CTDSP2: variants seen among roughly 807,000 people sequenced by gnomAD.
CTDSP2 encodes CTD small phosphatase 2.
In CTDSP2, 9 loss-of-function variants were observed where a neutral mutation model predicts 31.6. That is an observed-to-expected ratio of 0.28 (90% CI 0.17 to 0.50). CTDSP2 has a LOEUF of 0.50. Among genes scored for constraint, CTDSP2 ranks in the 20% least tolerant of loss-of-function variants. CTDSP2 has a pLI of 0.98. For synonymous variants in CTDSP2, 134 were observed against 134.5 expected (o/e 1.00, Z 0.03); for missense variants, 267 against 348.5 (o/e 0.77, Z 1.86).
intron 2 of CTDSP2, among the ~76,000 whole-genome samples, chr12:57,828,497 TTAGA>T (rs1454629258): frequency 2.0e-5 from 3 of 152,168 alleles, no homozygotes; most frequent in Non-Finnish European, 4.4e-5. Context: ...ATCCTAGCAC[TTAGA>T]TAAACAATGT....
chr12:57,827,613 C>A, intron 2 of CTDSP2, 23 bp from the exon 3 acceptor site: 1 of 1,611,554 alleles, frequency 6.2e-7, no homozygotes, highest in South Asian at 1.1e-5. Flanking sequence ...AGGAGGTGGT[C>A]AGTGCCATCT....
intron 1 of CTDSP2, among the ~76,000 whole-genome samples, chr12:57,846,113 C>A (rs900161269): frequency 6.6e-5 from 10 of 152,216 alleles, no homozygotes; most frequent in Admixed American, 5.2e-4. Context: ...CGTCTCTCAG[C>A]CCCGAGGGGG....
intron 1 of CTDSP2, among the ~76,000 whole-genome samples, chr12:57,836,375 A>G (rs566835093): frequency 1.2e-4 from 19 of 152,186 alleles, no homozygotes; most frequent in Non-Finnish European, 2.4e-4. Flanking sequence ...GCCCCTATGC[A>G]TGGGCCGGGG....
At chr12:57,830,181 T>C (rs1037068223) in intron 1 of CTDSP2, among the ~76,000 whole-genome samples, 6 of 152,060 alleles carry the variant, frequency 3.9e-5, no homozygotes, top group Non-Finnish European at 8.8e-5. Flanking sequence ...GTCAGAAGAT[T>C]GAGACCAATC....
chr12:57,831,432 G>A (rs905720844), intron 1 of CTDSP2, among the ~76,000 whole-genome samples: 5 of 152,044 alleles, frequency 3.3e-5, no homozygotes, highest in Non-Finnish European at 5.9e-5. Context: ...CAGCCTGGCC[G>A]ACACAGCAAG....
chr12:57,832,386 A>C (rs369215085), intron 1 of CTDSP2, among the ~76,000 whole-genome samples: 17 of 152,158 alleles, frequency 1.1e-4, no homozygotes, highest in South Asian at 6.2e-4. Context: ...AGAGCCCAGC[A>C]CTCAAAGAGT....
At chr12:57,826,844 C>T (rs1956185624) in intron 4 of CTDSP2, 152 bp downstream of exon 4, 3 of 621,502 alleles carry the variant, frequency 4.8e-6, no homozygotes. Context: ...CTCTAGATAC[C>T]TGTGACACAG....
intron 1 of CTDSP2, among the ~76,000 whole-genome samples, chr12:57,833,035 C>G (rs1956226214): frequency 6.6e-6 from 1 of 152,148 alleles, no homozygotes; most frequent in South Asian, 2.1e-4. Context: ...TTTCTTCATG[C>G]AGAACCACAA....
Position 57,823,552 on chromosome 12 carries a change from G to T in CTDSP2, c.*50C>A. On this transcript the variant is annotated 3_prime_UTR_variant, in exon 8 of 8. Transcript: ENST00000398073. ...CTGTCACGCTGATCGTAAAGGCACAGTGTGGGAAAGTCCCCTACTGGGATG... is the reference window on the plus strand; with the variant it reads ...CTGTCACGCTGATCGTAAAGGCACATTGTGGGAAAGTCCCCTACTGGGATG... The T allele has an allele frequency of 6.2e-7, 1 of 1,605,660 alleles. No homozygotes were observed.
Position 57,832,794 on chromosome 12 carries a change from A to T in CTDSP2, c.65-3198T>A, listed in dbSNP as rs1956224474. ...GCAACAGAGCGAGACTCTGGCTAAA[A>T]AAAAAAAAAAAAAAAAAAAAAAAAG... On this transcript the variant is annotated intron_variant, in intron 1 of 7. Transcript: ENST00000398073. Among the ~76,000 whole-genome samples the T allele has an allele frequency of 5.0e-5, 7 of 140,436 alleles. 1 individual carries two copies. The South Asian group carries it at 1.7e-3, about 35-fold the overall frequency. 92.1% of individuals were successfully genotyped at this position (140,436 alleles called of 152,430 possible). A position where few individuals can be genotyped will look rare whatever the true frequency, so the allele number is the denominator to read the frequency against.
intron 1 of CTDSP2, among the ~76,000 whole-genome samples, chr12:57,837,498 A>C (rs1011604994): frequency 6.6e-6 from 1 of 152,124 alleles, no homozygotes; most frequent in Non-Finnish European, 1.5e-5. Flanking sequence ...CGAGACCAGC[A>C]TGACCAATAT....
In CTDSP2 at chr12:57,820,854, A is replaced by G. The variant is rs1029381455; in HGVS notation, c.*2748T>C. The G allele has an allele frequency of 6.6e-6, 1 of 151,976 alleles. No homozygotes were observed. The highest frequency in any genetic ancestry group is 2.4e-5 in the African/African-American group (1 of 41,420). 9.4% of individuals were successfully genotyped at this position (151,976 alleles called of 1,614,324 possible). ...CATCAGGCTTTTGATTTAGAAGCCCAATCAGAGAGACACACTGTGTCCCTG... is the reference window on the plus strand; with the variant it reads ...CATCAGGCTTTTGATTTAGAAGCCCGATCAGAGAGACACACTGTGTCCCTG... On this transcript the variant is annotated 3_prime_UTR_variant, in exon 8 of 8. Transcript: ENST00000398073.
chr12:57,840,795 G>A (rs558469634), intron 1 of CTDSP2, among the ~76,000 whole-genome samples: 7 of 152,266 alleles, frequency 4.6e-5, no homozygotes, highest in African/African-American at 1.7e-4. Flanking sequence ...GCACCTAGGA[G>A]GGAAATGGAA....
At chr12:57,826,874 G>T in intron 4 of CTDSP2, 122 bp downstream of exon 4, 1 of 757,890 alleles carries the variant, frequency 1.3e-6, no homozygotes, top group Non-Finnish European at 2.2e-6. Context: ...AATGCCAGAG[G>T]CCTGGCCTTT....
chr12:57,823,513 C>T lies in CTDSP2; in HGVS notation c.*89G>A, dbSNP rs1422742516. 16 of 1,497,584 alleles carry T rather than the reference C, an allele frequency of 1.1e-5. No homozygotes were observed. The highest frequency in any genetic ancestry group is 1.5e-5 in the Non-Finnish European group (16 of 1,102,076). The allele number at this position is 1,497,584 out of a possible 1,614,324, so 92.8% of individuals were successfully genotyped here. ...TGTTTCCGGGCCGTGTGGTGAGGCACTCCAGCTTCTACTCTGTCACGCTGA... is the reference window on the plus strand; with the variant it reads ...TGTTTCCGGGCCGTGTGGTGAGGCATTCCAGCTTCTACTCTGTCACGCTGA... On this transcript the variant is annotated 3_prime_UTR_variant, in exon 8 of 8. Transcript: ENST00000398073.
At chr12:57,838,941 A>C (rs1432597222) in intron 1 of CTDSP2, among the ~76,000 whole-genome samples, 1 of 152,234 alleles carries the variant, frequency 6.6e-6, no homozygotes, top group African/African-American at 2.4e-5. Context: ...GTTCACATTA[A>C]AGGGACCATA....
In CTDSP2 at chr12:57,824,006, C is replaced by G. The variant is rs754828681; in HGVS notation, c.588G>C (p.Gln196His). The G allele has an allele frequency of 5.0e-6, 8 of 1,614,144 alleles. No individual in the cohort carries two copies. The South Asian group carries it at 8.8e-5, about 18-fold the overall frequency. Reference protein sequence around the residue: ...RLFRESCVFHQGCYVKDLSRL... With the variant: ...RLFRESCVFHHGCYVKDLSRL... Reference sequence around the variant, plus strand: ...GGCTGAGGTCCTTGACGTAGCAGCCCTGGTGGAACACGCAAGACTCACGGA... The same window carrying G: ...GGCTGAGGTCCTTGACGTAGCAGCCGTGGTGGAACACGCAAGACTCACGGA... The change falls in exon 7 of 8, where the codon CAG becomes CAC. Residue 196 changes from glutamine (Q) to histidine (H), a missense_variant. Physicochemically the swap from Gln to His is conservative, Grantham distance 24. Around this residue, in one of 2 missense-constraint regions of CTDSP2, gnomAD observed 156 missense variants for 241.3 expected, o/e 0.65. Transcript: ENST00000398073.
At chr12:57,832,389 C>CA (rs374216436) in intron 1 of CTDSP2, among the ~76,000 whole-genome samples, 2 of 152,174 alleles carry the variant, frequency 1.3e-5, no homozygotes, top group Non-Finnish European at 2.9e-5. Context: ...GCCCAGCACT[C>CA]AAAGAGTCCA....
At position 57,846,515 on chromosome 12, in the gene CTDSP2, CGG is replaced by C; in HGVS notation, c.-82_-81del. ...GCTGGGCTGGGCTGGGGGGCCTGGG[CGG>C]GGGCCCGCTCCGGCTCCCGAGACTC... On this transcript the variant is annotated 5_prime_UTR_variant, in exon 1 of 8. Coordinates refer to ENST00000398073, the MANE Select transcript of CTDSP2 (RefSeq NM_005730.4). 8.5e-7 allele frequency: 1 copy of C among 1,173,394 alleles called. No individual in the cohort carries two copies. Among genetic ancestry groups the C allele is most frequent in the South Asian group, 1.8e-5 (1 of 56,272 alleles). 72.7% of individuals were successfully genotyped at this position (1,173,394 alleles called of 1,614,324 possible). A position where few individuals can be genotyped will look rare whatever the true frequency, so the allele number is the denominator to read the frequency against.
Sources: gnomAD v4.1 joint callset for allele counts (sites outside exome capture counted in the v4.1 genomes callset) on GRCh38, gnomAD v4.1.1 for gene constraint, gnomAD v4.1.1 regional missense constraint, MANE v1.5 for transcripts, NCBI Gene and HGNC (gene_info 2026-07-23, HGNC 2026-07-21) for gene names.